ATXN1: variants seen among roughly 807,000 people sequenced by gnomAD.
ATXN1 encodes ataxin 1.
A neutral mutation model predicts 56.4 loss-of-function variants in ATXN1; 8 were observed. That is an observed-to-expected ratio of 0.14 (90% CI 0.08 to 0.26). The LOEUF (loss-of-function observed/expected upper bound fraction) is 0.26, where lower values mean the gene tolerates loss of function less well. Among genes scored for constraint, ATXN1 ranks in the 10% least tolerant of loss-of-function variants. The pLI is 1.00. For synonymous variants in ATXN1, 514 were observed against 494.6 expected (o/e 1.04, Z -0.52); for missense variants, 987 against 1,106.5 (o/e 0.89, Z 1.53).
intron 6 of ATXN1, among the ~76,000 whole-genome samples, chr6:16,332,529 T>C (rs1025902673): frequency 6.6e-6 from 1 of 152,178 alleles, no homozygotes; most frequent in Non-Finnish European, 1.5e-5. Flanking sequence ...GAGGAGTTTA[T>C]CTCTGGAAGC....
intron 2 of ATXN1, among the ~76,000 whole-genome samples, chr6:16,728,242 A>T (rs1223449804): frequency 6.6e-6 from 1 of 152,244 alleles, no homozygotes; most frequent in Non-Finnish European, 1.5e-5. Context: ...TGAAGCAATA[A>T]ATGACATGAT....
intron 5 of ATXN1, among the ~76,000 whole-genome samples, chr6:16,488,887 G>A (rs1401036067): frequency 6.6e-6 from 1 of 152,130 alleles, no homozygotes; most frequent in Non-Finnish European, 1.5e-5. Flanking sequence ...CACTCAGAAA[G>A]GAGAGAGAGA....
intron 3 of ATXN1, among the ~76,000 whole-genome samples, chr6:16,628,788 A>G (rs1365276437): frequency 2.0e-5 from 3 of 152,238 alleles, no homozygotes; most frequent in Non-Finnish European, 4.4e-5. Context: ...CCTGCAAAAG[A>G]CATGATCTCA....
intron 6 of ATXN1, among the ~76,000 whole-genome samples, chr6:16,367,193 T>G (rs74737314): frequency 0.017 from 2,605 of 152,310 alleles, 87 homozygotes; most frequent in African/African-American, 0.059. Flanking sequence ...CCAGTTGCTA[T>G]TAATCATTGA....
chr6:16,460,796 G>A (rs1439644599), intron 6 of ATXN1, among the ~76,000 whole-genome samples: 1 of 152,216 alleles, frequency 6.6e-6, no homozygotes, highest in Non-Finnish European at 1.5e-5. Context: ...AGTTAGTGAT[G>A]TAACAGTACT....
In ATXN1 at chr6:16,327,828, C is replaced by G; in HGVS notation, c.483G>C (p.Ser161=). 1 of 1,608,756 alleles carries G rather than the reference C, an allele frequency of 6.2e-7. No homozygotes were observed. The highest frequency in any genetic ancestry group is 8.5e-7 in the Non-Finnish European group (1 of 1,179,892). The change falls in exon 7 of 8, where the codon TCG becomes TCC. Residue 161 remains serine (S), a synonymous_variant. Coordinates refer to ENST00000436367, the MANE Select transcript of ATXN1 (RefSeq NM_001128164.2). ...TANPVTSAVA[S]AAGATTPSQR... ...GGGATGGAGTGGTGGCCCCTGCGGCCGAGGCCACTGCACTGGTGACGGGGT... is the reference window on the plus strand; with the variant it reads ...GGGATGGAGTGGTGGCCCCTGCGGCGGAGGCCACTGCACTGGTGACGGGGT...
At chr6:16,425,255 T>A (rs1759125671) in intron 6 of ATXN1, among the ~76,000 whole-genome samples, 1 of 152,360 alleles carries the variant, frequency 6.6e-6, no homozygotes, top group East Asian at 1.9e-4. Flanking sequence ...AAGTAGACCC[T>A]ACTCCATCCC....
rs1479566747 is a variant in ATXN1, at chr6:16,428,600, T to C, written c.-161+57372A>G. Among the ~76,000 whole-genome samples the C allele has an allele frequency of 2.0e-5, 3 of 152,292 alleles. No homozygotes were observed. The East Asian group carries it at 5.8e-4, about 30-fold the overall frequency. On this transcript the variant is annotated intron_variant, in intron 6 of 7. Transcript: ENST00000436367. The stretch of plus-strand genomic sequence containing the variant: ...CAACAACTTTTTGAGGTAGCTATCA[T>C]TATTAAGCCAAGTTTGCAAATGAGG...
At chr6:16,520,861 G>A (rs1761274133) in intron 5 of ATXN1, among the ~76,000 whole-genome samples, 1 of 152,174 alleles carries the variant, frequency 6.6e-6, no homozygotes, top group African/African-American at 2.4e-5. Flanking sequence ...AGCAATCTAT[G>A]TTCTACATTC....
At chr6:16,738,891 C>CT (rs1760230960) in intron 2 of ATXN1, 2 of 152,178 alleles carry the variant, frequency 1.3e-5, no homozygotes, top group African/African-American at 4.8e-5. Context: ...TAAATGAAAG[C>CT]TATTCAACTT....
intron 6 of ATXN1, among the ~76,000 whole-genome samples, chr6:16,335,401 C>T (rs558441799): frequency 4.6e-5 from 7 of 152,302 alleles, no homozygotes; most frequent in South Asian, 2.1e-4. Context: ...CGCCCCAACG[C>T]GCTCGGGTTT....
rs905855420 is a variant in ATXN1, at chr6:16,452,234, G to T, written c.-161+33738C>A. 3.3e-5 allele frequency among the ~76,000 whole-genome samples: 5 copies of T among 152,182 alleles called. No homozygotes were observed. In the East Asian group the frequency reaches 9.6e-4, roughly 29 times the overall value. The stretch of plus-strand genomic sequence containing the variant: ...TGAGCTTTTTGAGGGTAAAGATTAT[G>T]TTTTCTCCGAGTTCAGGGTGTATTG... On this transcript the variant is annotated intron_variant, in intron 6 of 7. Coordinates refer to ENST00000436367, the MANE Select transcript of ATXN1 (RefSeq NM_001128164.2).
At chr6:16,681,963 C>T (rs1758821161) in intron 2 of ATXN1, among the ~76,000 whole-genome samples, 1 of 152,074 alleles carries the variant, frequency 6.6e-6, no homozygotes, top group Non-Finnish European at 1.5e-5. Context: ...TGTATTAGAG[C>T]CTGAAAACGA....
At chr6:16,548,085 C>G (rs766741180) in intron 4 of ATXN1, among the ~76,000 whole-genome samples, 5 of 152,150 alleles carry the variant, frequency 3.3e-5, no homozygotes, top group African/African-American at 4.8e-5. Context: ...CACATCTAGG[C>G]TACATGGTAC....
intron 7 of ATXN1, among the ~76,000 whole-genome samples, chr6:16,308,577 G>A (rs1760314365): frequency 6.6e-6 from 1 of 152,114 alleles, no homozygotes; most frequent in East Asian, 1.9e-4. Flanking sequence ...CCATTCTTTT[G>A]AGTTGTGACC....
In ATXN1 at chr6:16,502,112, A is replaced by G. The variant is rs72823597; in HGVS notation, c.-298-16003T>C. ...AAAAGTTTTCACAAGTGGGAGTTGT[A>G]CCTCCTTGTCTCCTAATTGTAGTGA... On this transcript the variant is annotated intron_variant, in intron 5 of 7. Coordinates refer to ENST00000436367, the MANE Select transcript of ATXN1 (RefSeq NM_001128164.2). 6.5e-3 allele frequency among the ~76,000 whole-genome samples: 993 copies of G among 152,284 alleles called. 8 individuals carry two copies. The highest frequency in any genetic ancestry group is 0.01 in the Non-Finnish European group (691 of 68,010).
chr6:16,399,298 G>A (rs1478825594), intron 6 of ATXN1, among the ~76,000 whole-genome samples: 3 of 152,150 alleles, frequency 2.0e-5, no homozygotes, highest in African/African-American at 4.8e-5. Flanking sequence ...CAGAGGTTTG[G>A]TGGGTGTATG....
intron 2 of ATXN1, among the ~76,000 whole-genome samples, chr6:16,683,224 T>C (rs1758850811): frequency 6.6e-6 from 1 of 152,238 alleles, no homozygotes; most frequent in African/African-American, 2.4e-5. Context: ...CAGTCTAGCT[T>C]AGAGCAAAAT....
chr6:16,491,229 AT>A (rs1760653078), intron 5 of ATXN1, among the ~76,000 whole-genome samples: 1 of 145,676 alleles, frequency 6.9e-6, no homozygotes, highest in Non-Finnish European at 1.5e-5. Flanking sequence ...AGTAGCTGGG[AT>A]TATAGGCATA....
Sources: gnomAD v4.1 joint callset for allele counts (sites outside exome capture counted in the v4.1 genomes callset) on GRCh38, gnomAD v4.1.1 for gene constraint, MANE v1.5 for transcripts, NCBI Gene and HGNC (gene_info 2026-07-23, HGNC 2026-07-21) for gene names.